Variants in RBM41 observed in about 807,000 individuals in gnomAD.
RBM41 encodes the protein RNA binding motif protein 41, also known as RNA-binding protein 41.
A neutral mutation model predicts 30.8 loss-of-function variants in RBM41; 14 were observed. The ratio of observed to expected loss-of-function variants is 0.45; its 90% CI spans 0.30 to 0.71. The LOEUF is 0.71. Ranked by LOEUF, RBM41 falls within the 30% of genes least tolerant of loss-of-function variation. The pLI is 0.08. For missense variants in RBM41, 276 were observed against 326.3 expected (o/e 0.85, Z 1.19); for synonymous variants, 120 against 110.1 (o/e 1.09, Z -0.56).
At chrX:107,116,835 T>A in intron 1 of RBM41, 69 bp from the exon 2 acceptor site, 1 of 1,006,287 alleles carries the variant, frequency 9.9e-7, no homozygotes, top group Non-Finnish European at 1.4e-6. Context: ...ATTCCTTATC[T>A]ATATTATCTA....
At chrX:107,102,679 T>A (rs1302104823) in intron 5 of RBM41, among the ~76,000 whole-genome samples, 5 of 111,124 alleles carry the variant, frequency 4.5e-5, no homozygotes, top group African/African-American at 1.6e-4. Flanking sequence ...GAAGGATGAT[T>A]ACAAGAGCAA....
chrX:107,076,630 T>C (rs1936237447), intron 6 of RBM41, among the ~76,000 whole-genome samples: 2 of 111,221 alleles, frequency 1.8e-5, no homozygotes, highest in Non-Finnish European at 3.8e-5. Context: ...AAAAGTTCTA[T>C]AGGTTTGCTG....
At chrX:107,101,091 CT>C (rs1923414673) in intron 5 of RBM41, among the ~76,000 whole-genome samples, 1 of 111,297 alleles carries the variant, frequency 9.0e-6, no homozygotes, top group Non-Finnish European at 1.9e-5. Context: ...CTGTCTAGTG[CT>C]GCATGTATGG....
chrX:107,078,287 G>A (rs1921170098), intron 6 of RBM41, among the ~76,000 whole-genome samples: 1 of 111,327 alleles, frequency 9.0e-6, no homozygotes, highest in African/African-American at 3.3e-5. Flanking sequence ...TTGGAAAGAA[G>A]TCATTATGAG....
At chrX:107,077,617 G>T (rs1921101093) in intron 6 of RBM41, among the ~76,000 whole-genome samples, 1 of 84,482 alleles carries the variant, frequency 1.2e-5, no homozygotes, top group Non-Finnish European at 2.2e-5. Context: ...CACAGATAAA[G>T]CTAGGTTCAA....
At chrX:107,059,562 T>C (rs1332242664), downstream of RBM41, among the ~76,000 whole-genome samples, 1 of 111,964 alleles carries the variant, frequency 8.9e-6, no homozygotes, top group Non-Finnish European at 1.9e-5. Context: ...CAACATGATA[T>C]TTTATTGCAC....
In RBM41 at chrX:107,065,599, A is replaced by T. The variant is rs1178521695; in HGVS notation, c.*1928T>A. On this transcript the variant is annotated 3_prime_UTR_variant, in exon 8 of 8. Transcript: ENST00000685964. ...TTACTTAATATAATTTTACATCTTT[A>T]AAAGAAGCTGAGAGAAGAGTAAGTA... 6.9e-6 allele frequency: 3 copies of T among 431,862 alleles called. No individual in the cohort carries two copies. The African/African-American group carries it at 7.6e-5, about 11-fold the overall frequency. 35.6% of individuals were successfully genotyped at this position (431,862 alleles called of 1,213,427 possible).
At chrX:107,117,236 G>A (rs537239193) in intron 1 of RBM41, among the ~76,000 whole-genome samples, 1 of 112,082 alleles carries the variant, frequency 8.9e-6, no homozygotes, top group Middle Eastern at 4.6e-3. Flanking sequence ...GGGAAAGAGA[G>A]TACAAAGGGA....
At chrX:107,075,109 A>C (rs1243695758) in intron 6 of RBM41, among the ~76,000 whole-genome samples, 1 of 112,084 alleles carries the variant, frequency 8.9e-6, no homozygotes, top group Admixed American at 9.5e-5. Context: ...AAACCCATGA[A>C]GCTACAGTCA....
rs1005126843 is a variant in RBM41 at position 107,115,967 on chromosome X, T to C, written c.213A>G (p.Gln71=). ...GGTCCTTCTCATGCAGTGTCTGGAA[T>C]TGGGACAAAGTCATAGTCCCAGCTG... ...KEAAGTMTLS[Q]FQTLHEKDQE... The change falls in exon 3 of 8, where the codon CAA becomes CAG. Residue 71 remains glutamine, a synonymous_variant. Coordinates refer to ENST00000685964, the MANE Select transcript of RBM41 (RefSeq NM_001324242.2). 3 of 1,210,704 alleles carry C rather than the reference T, an allele frequency of 2.5e-6. No homozygotes were observed. Among genetic ancestry groups the C allele is most frequent in the African/African-American group, 1.7e-5 (1 of 57,894 alleles).
chrX:107,117,746 A>G (rs920019533), intron 1 of RBM41, among the ~76,000 whole-genome samples: 1 of 111,871 alleles, frequency 8.9e-6, no homozygotes, highest in African/African-American at 3.3e-5. Context: ...TTGCTTTTTT[A>G]AAAGCAAGGG....
At chrX:107,069,477 C>CTTTGTCTCAA in intron 6 of RBM41, 75 bp from the exon 7 acceptor site, 1 of 1,063,842 alleles carries the variant, frequency 9.4e-7, no homozygotes, top group Non-Finnish European at 1.3e-6. Context: ...CTTTTTGAGA[C>CTTTGTCTCAA]AAAGTCTCAC....
downstream of RBM41, among the ~76,000 whole-genome samples, chrX:107,058,225 G>A (rs1424857486): frequency 6.6e-5 from 7 of 105,903 alleles, no homozygotes; most frequent in African/African-American, 2.1e-4. Flanking sequence ...CCTGGGAGGC[G>A]GAGGTTGCAG....
intron 6 of RBM41, among the ~76,000 whole-genome samples, chrX:107,078,028 A>G (rs1217034090): frequency 1.8e-5 from 2 of 111,587 alleles, no homozygotes; most frequent in Admixed American, 1.9e-4. Context: ...GTTTTTACCT[A>G]ATGTCCTTTT....
chrX:107,115,720 T>C, intron 3 of RBM41, 142 bp downstream of exon 3: 1 of 895,746 alleles, frequency 1.1e-6, no homozygotes, highest in Non-Finnish European at 1.6e-6. Context: ...ATGTCTGCAT[T>C]CTAAAAATCA....
chrX:107,111,312 G>A (rs1924447397), intron 5 of RBM41, among the ~76,000 whole-genome samples: 1 of 111,235 alleles, frequency 9.0e-6, no homozygotes, highest in Non-Finnish European at 1.9e-5. Flanking sequence ...CTAATCATCA[G>A]GGAAATTGAA....
chrX:107,076,509 A>T (rs977621650), intron 6 of RBM41, among the ~76,000 whole-genome samples: 3 of 110,608 alleles, frequency 2.7e-5, no homozygotes, highest in African/African-American at 9.8e-5. Flanking sequence ...CACTTACTGA[A>T]GTATCTAAAG....
At chrX:107,095,820 C>T (rs1922923755) in intron 5 of RBM41, among the ~76,000 whole-genome samples, 1 of 110,099 alleles carries the variant, frequency 9.1e-6, no homozygotes, top group South Asian at 3.9e-4. Flanking sequence ...TGAGACCAGC[C>T]TGGGCAACAC....
intron 6 of RBM41, among the ~76,000 whole-genome samples, chrX:107,084,843 T>G (rs187520575): frequency 1.6e-4 from 18 of 112,385 alleles, no homozygotes; most frequent in Admixed American, 1.6e-3. Context: ...TTTTTCTTAT[T>G]GTAAGACAGG....
Sources: gnomAD v4.1 joint callset for allele counts (sites outside exome capture counted in the v4.1 genomes callset) on GRCh38, gnomAD v4.1.1 for gene constraint, MANE v1.5 for transcripts, NCBI Gene and HGNC (gene_info 2026-07-23, HGNC 2026-07-21) for gene names.